The following ZC3H7A variants were observed in gnomAD, a reference collection of about 807,000 sequenced individuals.
ZC3H7A encodes the protein zinc finger CCCH domain-containing protein 7A.
Under a neutral mutation model 125.5 loss-of-function variants are expected in ZC3H7A, and 44 were observed. That is an observed-to-expected ratio of 0.35 (90% confidence interval 0.28 to 0.45). The LOEUF (loss-of-function observed/expected upper bound fraction) is 0.45, where lower values mean the gene tolerates loss of function less well. Ranked by LOEUF, ZC3H7A falls within the 20% of genes least tolerant of loss-of-function variation. ZC3H7A has a pLI of 1.00. For missense variants in ZC3H7A, 977 were observed against 1,170.7 expected, an observed-to-expected ratio of 0.83 and a Z score of 2.41; for synonymous variants, 399 against 391.2, an observed-to-expected ratio of 1.02 and a Z score of -0.23.
At chr16:11,783,378 G>A (rs1171594786) in intron 1 of ZC3H7A, among the ~76,000 whole-genome samples, 1 of 152,118 alleles carries the variant, frequency 6.6e-6, no homozygotes, top group Non-Finnish European at 1.5e-5. Context: ...AGTTCCCCAA[G>A]TTCAAGGAGA....
At chr16:11,764,229 A>T (rs1288443063) in intron 15 of ZC3H7A, among the ~76,000 whole-genome samples, 1 of 152,126 alleles carries the variant, frequency 6.6e-6, no homozygotes, top group African/African-American at 2.4e-5. Context: ...CCTGGCCAAC[A>T]TGTTGAAACC....
In ZC3H7A at chr16:11,761,267, C is replaced by A. The variant is rs912036613; in HGVS notation, c.2319+139G>T. On this transcript the variant is annotated intron_variant, in intron 19 of 22. Coordinates refer to ENST00000355758, the MANE Select transcript of ZC3H7A (RefSeq NM_014153.4). Reference sequence around the variant, plus strand: ...ATACATATACTAAAGGGAAGGAAAACCAAAGAGGAACCATTTAAATAGCAT... The same window carrying A: ...ATACATATACTAAAGGGAAGGAAAAACAAAGAGGAACCATTTAAATAGCAT... The A allele has an allele frequency of 1.1e-5, 9 of 806,622 alleles. No homozygotes were observed. In the African/African-American group the frequency reaches 1.4e-4, roughly 12 times the overall value. 50.0% of individuals were successfully genotyped at this position (806,622 alleles called of 1,614,324 possible). A position where few individuals can be genotyped will look rare whatever the true frequency, so the allele number is the denominator to read the frequency against.
chr16:11,770,747 A>G, intron 10 of ZC3H7A, 36 bp downstream of exon 10: 1 of 1,554,592 alleles, frequency 6.4e-7, no homozygotes, highest in Non-Finnish European at 8.8e-7. Flanking sequence ...TGAGAAAATC[A>G]ACTGCAATTG....
chr16:11,760,140 A>AAAAAAAAAAAAAAAAG (rs1567374789), intron 19 of ZC3H7A, among the ~76,000 whole-genome samples: 12 of 149,590 alleles, frequency 8.0e-5, no homozygotes, highest in African/African-American at 3.0e-4. Flanking sequence ...AAAAAAAAAA[A>AAAAAAAAAAAAAAAAG]AAAAAGAAAA....
intron 15 of ZC3H7A, among the ~76,000 whole-genome samples, chr16:11,764,506 G>A (rs186309149): frequency 1.4e-4 from 21 of 152,200 alleles, no homozygotes; most frequent in African/African-American, 4.3e-4. Flanking sequence ...CTGAGATCGC[G>A]CCACTGCACT....
At chr16:11,783,528 T>C (rs2053206645) in intron 1 of ZC3H7A, among the ~76,000 whole-genome samples, 1 of 152,176 alleles carries the variant, frequency 6.6e-6, no homozygotes, top group Non-Finnish European at 1.5e-5. Context: ...CTACCCACTA[T>C]GCCTGTAGCC....
chr16:11,771,093 C>G, intron 9 of ZC3H7A, 106 bp from the exon 10 acceptor site: 1 of 1,132,774 alleles, frequency 8.8e-7, no homozygotes, highest in South Asian at 1.6e-5. Flanking sequence ...TGGGAGATCA[C>G]GTTACATAAC....
chr16:11,760,329 T>C lies in ZC3H7A; in HGVS notation c.2319+1077A>G, dbSNP rs1382102181. Among the ~76,000 whole-genome samples, 8 of 152,298 alleles carry C rather than the reference T, an allele frequency of 5.3e-5. No homozygotes were observed. The East Asian group carries it at 1.3e-3, about 26-fold the overall frequency. ...ATTTTATCAAAGTACTTGATATACA[T>C]ATTATCTCCATCATCCTTTAAACCA... is the stretch of plus-strand genomic sequence containing the variant. On this transcript the variant is annotated intron_variant, in intron 19 of 22. Transcript: ENST00000355758.
rs764739787 is a variant in ZC3H7A at position 11,767,553 on chromosome 16, G to A, written c.1386C>T (p.Tyr462=). ...KSGPKLMDFT[Y]HANIDHKCKK... ...TACACTTATGATCTATGTTAGCATGGTAAGTGAAATCCATTAACTTAGGGC... is the reference window on the plus strand; with the variant it reads ...TACACTTATGATCTATGTTAGCATGATAAGTGAAATCCATTAACTTAGGGC... Residue 462 remains tyrosine (Y), a synonymous_variant, in exon 13 of 23, where the codon TAC becomes TAT. Coordinates refer to ENST00000355758, the MANE Select transcript of ZC3H7A (RefSeq NM_014153.4). 1.3e-6 allele frequency: 2 copies of A among 1,593,812 alleles called. No homozygotes were observed. The highest frequency in any genetic ancestry group is 1.1e-5 in the South Asian group (1 of 87,290).
Position 11,776,377 on chromosome 16 carries a change from A to G in ZC3H7A, c.547-19T>C, listed in dbSNP as rs768971486. 5 of 1,609,058 alleles carry G rather than the reference A, an allele frequency of 3.1e-6. No individual in the cohort carries two copies. Among genetic ancestry groups the G allele is most frequent in the Non-Finnish European group, 4.2e-6 (5 of 1,178,850 alleles). ...ATGAGAGCTGAAATAAAATAAAGACACTAATTTAAAAACAGAACTGACTCC... is the reference window on the plus strand; with the variant it reads ...ATGAGAGCTGAAATAAAATAAAGACGCTAATTTAAAAACAGAACTGACTCC... On this transcript the variant is annotated intron_variant, in intron 6 of 22. Coordinates refer to ENST00000355758, the MANE Select transcript of ZC3H7A (RefSeq NM_014153.4).
rs530285305 is a variant in ZC3H7A at position 11,794,502 on chromosome 16, G to A, written c.-35+2622C>T. Among the ~76,000 whole-genome samples the A allele has an allele frequency of 6.6e-5, 10 of 151,328 alleles. No homozygotes were observed. The South Asian group carries it at 1.5e-3, about 22-fold the overall frequency. On this transcript the variant is annotated intron_variant, in intron 1 of 22. Coordinates refer to ENST00000355758, the MANE Select transcript of ZC3H7A (RefSeq NM_014153.4). ...GATTTGCCAACACCTCACACTTTAA[G>A]TAATTTTCATAAGGATTCTGGAGAA...
At chr16:11,793,507 T>C (rs1003557814) in intron 1 of ZC3H7A, among the ~76,000 whole-genome samples, 13 of 142,604 alleles carry the variant, frequency 9.1e-5, no homozygotes, top group African/African-American at 3.4e-4. Context: ...TACTCCAACC[T>C]GGGTGTCAGA....
At chr16:11,772,050 G>C (rs561167300) in intron 9 of ZC3H7A, among the ~76,000 whole-genome samples, 18 of 152,048 alleles carry the variant, frequency 1.2e-4, no homozygotes, top group African/African-American at 4.3e-4. Flanking sequence ...CAAAAAATTA[G>C]CCGGGCGTGG....
intron 17 of ZC3H7A, 146 bp downstream of exon 17, chr16:11,762,525 G>A (rs2052769739): frequency 1.3e-6 from 1 of 748,162 alleles, no homozygotes; most frequent in Admixed American, 2.8e-5. Context: ...AATGCAAATT[G>A]TTTTTTCACA....
chr16:11,783,443 G>C (rs1225993191), intron 1 of ZC3H7A, among the ~76,000 whole-genome samples: 1 of 152,146 alleles, frequency 6.6e-6, no homozygotes, highest in African/African-American at 2.4e-5. Context: ...CCAAACTAGA[G>C]TTCCTCAGGC....
Position 11,756,228 on chromosome 16 carries a change from G to T in ZC3H7A, c.2562+9C>A, listed in dbSNP as rs1008176440. 1 of 1,609,066 alleles carries T rather than the reference G, an allele frequency of 6.2e-7. No homozygotes were observed. Among genetic ancestry groups the T allele is most frequent in the Non-Finnish European group, 8.5e-7 (1 of 1,178,452 alleles). On this transcript the variant is annotated intron_variant, in intron 21 of 22. Transcript: ENST00000355758. ...GGCAAAGAGAGGGTAAATGACGCAC[G>T]GTACTCACTGTAACTTCAGCATAAT...
chr16:11,752,748 C>G lies in ZC3H7A; in HGVS notation c.2647G>C (p.Glu883Gln). The G allele has an allele frequency of 6.2e-7, 1 of 1,614,174 alleles. No individual in the cohort carries two copies. The highest frequency in any genetic ancestry group is 2.2e-5 in the East Asian group (1 of 44,882). Residue 883 changes from glutamate (E) to glutamine (Q), a missense_variant, in exon 22 of 23, where the codon GAG (glutamate) becomes CAG (glutamine). Coordinates refer to ENST00000355758, the MANE Select transcript of ZC3H7A (RefSeq NM_014153.4). Reference protein sequence around the residue: ...QGHISSEKHKEKVFHTEDDQY... With the variant: ...QGHISSEKHKQKVFHTEDDQY... ...TCGTCCTCGGTGTGGAAAACCTTCT[C>G]TTTGTGCTTCTCGGAGGAGATGTGG...
intron 8 of ZC3H7A, 123 bp from the exon 9 acceptor site, chr16:11,774,642 G>A (rs1464300584): frequency 8.3e-7 from 1 of 1,205,542 alleles, no homozygotes; most frequent in Non-Finnish European, 1.1e-6. Context: ...TAATAAAATT[G>A]ACAGTATAGT....
chr16:11,785,188 G>C (rs1450743389), intron 1 of ZC3H7A, among the ~76,000 whole-genome samples: 1 of 151,610 alleles, frequency 6.6e-6, no homozygotes, highest in East Asian at 1.9e-4. Flanking sequence ...AAATAACAAA[G>C]ATTAGCCAGG....
Sources: allele counts gnomAD v4.1 joint callset (sites outside exome capture counted in the v4.1 genomes callset), GRCh38; gene constraint gnomAD v4.1.1; transcripts MANE v1.5; gene names NCBI Gene and HGNC (gene_info 2026-07-23, HGNC 2026-07-21).